PHYHD1: variants seen among roughly 807,000 people sequenced by gnomAD.
PHYHD1 encodes the protein phytanoyl-CoA dioxygenase domain-containing protein 1.
A neutral mutation model predicts 43.6 loss-of-function variants in PHYHD1; 42 were observed. That is an observed-to-expected ratio of 0.96 (90% CI 0.75 to 1.25). PHYHD1 has a LOEUF of 1.25. Ranked by LOEUF, PHYHD1 falls within the 50% of genes most tolerant of loss-of-function variation. The pLI is 0.00. For synonymous variants in PHYHD1, 139 were observed against 143.6 expected (o/e 0.97, Z 0.23); for missense variants, 342 against 370.8 (o/e 0.92, Z 0.64).
At chr9:128,939,941 C>A (rs1241997774) in intron 9 of PHYHD1, among the ~76,000 whole-genome samples, 1 of 152,036 alleles carries the variant, frequency 6.6e-6, no homozygotes, top group Non-Finnish European at 1.5e-5. Context: ...AGGTGTGAGC[C>A]ACCGCGCCAA....
chr9:128,935,059 T>A (rs1841391811), intron 6 of PHYHD1, among the ~76,000 whole-genome samples: 1 of 152,224 alleles, frequency 6.6e-6, no homozygotes, highest in Admixed American at 6.5e-5. Context: ...CAAAGTCAAG[T>A]AAGAAAACCC....
chr9:128,935,291 G>A (rs1841395933), intron 6 of PHYHD1, among the ~76,000 whole-genome samples: 1 of 152,084 alleles, frequency 6.6e-6, no homozygotes, highest in Non-Finnish European at 1.5e-5. Context: ...TTATATCATG[G>A]TAAGCTTGTA....
intron 4 of PHYHD1, among the ~76,000 whole-genome samples, chr9:128,932,175 A>ATTTTTTTTTTTTT (rs1164525938): frequency 3.7e-5 from 4 of 107,114 alleles, no homozygotes; most frequent in Admixed American, 1.0e-4. Flanking sequence ...TATTGTTATT[A>ATTTTTTTTTTTTT]TTATTATTAT....
intron 3 of PHYHD1, 81 bp downstream of exon 3, chr9:128,922,437 C>A: frequency 1.4e-6 from 2 of 1,479,534 alleles, no homozygotes; most frequent in Non-Finnish European, 1.8e-6. Context: ...GTGCCCAACC[C>A]ACCCCCTGCC....
intron 6 of PHYHD1, among the ~76,000 whole-genome samples, chr9:128,935,684 A>G (rs2131112766): frequency 6.6e-6 from 1 of 152,268 alleles, no homozygotes; most frequent in South Asian, 2.1e-4. Flanking sequence ...CGGGTGGATC[A>G]CGAGGTCAGG....
chr9:128,939,853 C>T (rs1841513307), intron 9 of PHYHD1, among the ~76,000 whole-genome samples: 2 of 144,400 alleles, frequency 1.4e-5, no homozygotes, highest in South Asian at 2.2e-4. Context: ...CAGGGTTTCA[C>T]CATGTTGGCC....
intron 9 of PHYHD1, 120 bp downstream of exon 9, chr9:128,937,898 C>T (rs1841465163): frequency 1.9e-6 from 3 of 1,562,112 alleles, no homozygotes; most frequent in African/African-American, 1.4e-5. Context: ...GGAGCCTGGC[C>T]CGGAGAGGAG....
intron 4 of PHYHD1, among the ~76,000 whole-genome samples, chr9:128,930,985 C>T (rs957451844): frequency 1.5e-4 from 23 of 150,584 alleles, no homozygotes; most frequent in Non-Finnish European, 3.0e-4. Context: ...ATTTCTTCTT[C>T]TATAAAATGG....
intron 3 of PHYHD1, 68 bp downstream of exon 3, chr9:128,922,424 C>G: frequency 6.6e-7 from 1 of 1,519,078 alleles, no homozygotes; most frequent in Non-Finnish European, 8.9e-7. Flanking sequence ...TTCAGTAGTC[C>G]CAGTGCCCAA....
intron 3 of PHYHD1, among the ~76,000 whole-genome samples, chr9:128,924,350 G>A (rs371033622): frequency 1.3e-4 from 19 of 150,658 alleles, no homozygotes; most frequent in Middle Eastern, 3.6e-3. Context: ...CCCGGGAGGC[G>A]GAGCTTGCAG....
rs1370282729 is a variant in PHYHD1, at chr9:128,921,685, A to ATC, written c.-160+26_-160+27dup. 2 of 152,282 alleles carry ATC rather than the reference A, an allele frequency of 1.3e-5. No homozygotes were observed. Among genetic ancestry groups the ATC allele is most frequent in the Non-Finnish European group, 2.9e-5 (2 of 68,122 alleles). 9.4% of individuals were successfully genotyped at this position (152,282 alleles called of 1,614,324 possible). ...GGCCTGAGGGTGGGTAACAGGAAGC[A>ATC]TCTCTCTCTCCTCAGCCCCTTCCTC... On this transcript the variant is annotated intron_variant, in intron 1 of 12. Coordinates refer to ENST00000372592, the MANE Select transcript of PHYHD1 (RefSeq NM_001100876.2).
At chr9:128,927,782 G>T (rs1271718150) in intron 4 of PHYHD1, among the ~76,000 whole-genome samples, 2 of 152,224 alleles carry the variant, frequency 1.3e-5, no homozygotes, top group Admixed American at 6.5e-5. Flanking sequence ...AGTCCCTGCT[G>T]TTCCCAGCTT....
intron 4 of PHYHD1, among the ~76,000 whole-genome samples, chr9:128,930,158 T>G (rs192557950): frequency 7.9e-5 from 12 of 151,752 alleles, no homozygotes; most frequent in African/African-American, 2.4e-4. Flanking sequence ...TGCACGTGTG[T>G]AATCCTGGCT....
intron 6 of PHYHD1, among the ~76,000 whole-genome samples, chr9:128,935,406 C>T (rs1373060064): frequency 6.6e-6 from 1 of 151,412 alleles, no homozygotes; most frequent in African/African-American, 2.4e-5. Flanking sequence ...GGGCGGATCA[C>T]GAGGTCAGGA....
chr9:128,940,317 A>C (rs1841523696), intron 9 of PHYHD1, 52 bp from the exon 10 acceptor site: 1 of 1,606,420 alleles, frequency 6.2e-7, no homozygotes, highest in African/African-American at 1.3e-5. Flanking sequence ...GGCCAAGGTG[A>C]GGTGGAAACA....
intron 11 of PHYHD1, 113 bp from the exon 12 acceptor site, chr9:128,941,332 G>C: frequency 7.1e-7 from 1 of 1,405,032 alleles, no homozygotes; most frequent in Non-Finnish European, 9.8e-7. Flanking sequence ...AAGGGAATGG[G>C]GATGGATGGG....
chr9:128,927,516 C>T (rs1841167860), intron 4 of PHYHD1, among the ~76,000 whole-genome samples: 1 of 152,172 alleles, frequency 6.6e-6, no homozygotes, highest in East Asian at 1.9e-4. Flanking sequence ...GCTGCACTTA[C>T]AGGCATGCGC....
At chr9:128,938,621 C>T (rs1841484430) in intron 9 of PHYHD1, among the ~76,000 whole-genome samples, 1 of 151,452 alleles carries the variant, frequency 6.6e-6, no homozygotes, top group Admixed American at 6.6e-5. Flanking sequence ...CGGGGTTCCA[C>T]CATGTTGGCC....
At chr9:128,940,283 AG>A in intron 9 of PHYHD1, 85 bp from the exon 10 acceptor site, 1 of 1,569,160 alleles carries the variant, frequency 6.4e-7, no homozygotes, top group Non-Finnish European at 8.7e-7. Context: ...GAGAGCACCC[AG>A]AGGACTGAGG....
Sources: gnomAD v4.1 joint callset for allele counts (sites outside exome capture counted in the v4.1 genomes callset) on GRCh38, gnomAD v4.1.1 for gene constraint, MANE v1.5 for transcripts, NCBI Gene and HGNC (gene_info 2026-07-23, HGNC 2026-07-21) for gene names.